LAX1: variants seen among roughly 807,000 people sequenced by gnomAD.
LAX1 encodes the protein lymphocyte transmembrane adaptor 1.
Under a neutral mutation model 20.7 loss-of-function variants are expected in LAX1, and 17 were observed. That is an observed-to-expected ratio of 0.82 (90% CI 0.56 to 1.23). The LOEUF (loss-of-function observed/expected upper bound fraction) is 1.23. Ranked by LOEUF, LAX1 falls within the 50% of genes most tolerant of loss-of-function variation. The pLI, the probability that LAX1 is intolerant of heterozygous loss-of-function variation, is 0.00. For synonymous variants in LAX1, 165 were observed against 181.0 expected, an observed-to-expected ratio of 0.91 and a Z score of 0.71; for missense variants, 470 against 487.0, an observed-to-expected ratio of 0.97 and a Z score of 0.33.
intron 1 of LAX1, among the ~76,000 whole-genome samples, chr1:203,767,939 A>C (rs1301225430): frequency 1.3e-5 from 2 of 151,588 alleles, no homozygotes; most frequent in African/African-American, 4.9e-5. Context: ...AGCCTGAGCA[A>C]CACATGGAGA....
At chr1:203,765,757 C>T in intron 1 of LAX1, 103 bp downstream of exon 1, 1 of 1,068,050 alleles carries the variant, frequency 9.4e-7, no homozygotes, top group Non-Finnish European at 1.4e-6. Flanking sequence ...CACCTCTCAA[C>T]ACCCAGGCTC....
intron 2 of LAX1, 77 bp from the exon 3 acceptor site, chr1:203,771,290 C>T (rs1195945027): frequency 1.1e-6 from 1 of 898,452 alleles, no homozygotes; most frequent in African/African-American, 1.6e-5. Flanking sequence ...TTTCAGGGGC[C>T]ATCTCATTCC....
chr1:203,771,261 T>C, intron 2 of LAX1, 106 bp from the exon 3 acceptor site: 2 of 791,788 alleles, frequency 2.5e-6, no homozygotes, highest in Non-Finnish European at 2.2e-6. Flanking sequence ...TTGTGAGAAC[T>C]GGCAAGGATG....
At chr1:203,769,201 C>T (rs909504511) in intron 1 of LAX1, among the ~76,000 whole-genome samples, 4 of 151,496 alleles carry the variant, frequency 2.6e-5, no homozygotes, top group African/African-American at 9.7e-5. Context: ...CCAGCCTGGC[C>T]AACATGGTGA....
chr1:203,769,008 T>G (rs1038207879), intron 1 of LAX1, among the ~76,000 whole-genome samples: 1 of 152,006 alleles, frequency 6.6e-6, no homozygotes, highest in Non-Finnish European at 1.5e-5. Context: ...GGGAAACACC[T>G]GGGGAGTAGC....
chr1:203,771,614 A>G (rs1410516197), intron 3 of LAX1, 137 bp downstream of exon 3: 1 of 683,284 alleles, frequency 1.5e-6, no homozygotes, highest in Non-Finnish European at 2.7e-6. Context: ...GGAGAATGGG[A>G]TAGATAGACT....
At chr1:203,770,549 G>GAA (rs1571805570) in intron 1 of LAX1, among the ~76,000 whole-genome samples, 3 of 142,146 alleles carry the variant, frequency 2.1e-5, no homozygotes, top group Non-Finnish European at 1.5e-5. Flanking sequence ...AAGAAAGAAA[G>GAA]AAAGAAAGAA....
rs745305724 is a variant in LAX1 at position 203,771,391 on chromosome 1, C to T, written c.224C>T (p.Thr75Ile). The T allele has an allele frequency of 1.7e-5, 28 of 1,613,484 alleles. No individual in the cohort carries two copies. Among genetic ancestry groups the T allele is most frequent in the Non-Finnish European group, 2.3e-5 (27 of 1,179,422 alleles). ...GGACAAGTTCCTTACCTCCGAGTTACCGTCATGCCCTTGCTGACTTTGCCA... is the reference window on the plus strand; with the variant it reads ...GGACAAGTTCCTTACCTCCGAGTTATCGTCATGCCCTTGCTGACTTTGCCA... ...KKRQVPYLRV[T>I]VMPLLTLPQT... The change falls in exon 3 of 5, where the codon ACC becomes ATC. Residue 75 changes from threonine to isoleucine, a missense_variant. By Grantham distance (89) the Thr-to-Ile change is moderately conservative. Transcript: ENST00000442561.
At chr1:203,766,698 A>T (rs1667309106) in intron 1 of LAX1, among the ~76,000 whole-genome samples, 1 of 152,186 alleles carries the variant, frequency 6.6e-6, no homozygotes, top group East Asian at 1.9e-4. Flanking sequence ...ATATGTATAC[A>T]TTGTACAATA....
At chr1:203,773,756 CTTTTTTTTT>C (rs10714327) in intron 4 of LAX1, 110 bp from the exon 5 acceptor site, 83 of 200,546 alleles carry the variant, frequency 4.1e-4, no homozygotes, top group African/African-American at 3.0e-3. Context: ...TGTTGCTCTT[CTTTTTTTTT>C]TTTTTTTTTT....
rs551712445 is a variant in LAX1, at chr1:203,765,398, G to C, written c.-168G>C. 1.9e-6 allele frequency: 3 copies of C among 1,551,892 alleles called. No individual in the cohort carries two copies. In the East Asian group the frequency reaches 7.3e-5, roughly 38 times the overall value. On this transcript the variant is annotated 5_prime_UTR_variant, in exon 1 of 5. Coordinates refer to ENST00000442561, the MANE Select transcript of LAX1 (RefSeq NM_017773.4). ...GCCACGTCCAGGTAGAACCAAACCT[G>C]TTGCTTTTGTATGTTGGGTCAACTT...
At chr1:203,773,441 C>T (rs1297999194) in intron 4 of LAX1, among the ~76,000 whole-genome samples, 3 of 151,856 alleles carry the variant, frequency 2.0e-5, no homozygotes, top group Non-Finnish European at 4.4e-5. Flanking sequence ...GCGACGAGAG[C>T]GAAACTCCTT....
intron 3 of LAX1, 77 bp from the exon 4 acceptor site, chr1:203,771,991 T>A: frequency 1.7e-6 from 2 of 1,181,946 alleles, no homozygotes; most frequent in Non-Finnish European, 2.5e-6. Context: ...ACCCGCTTCA[T>A]CCATGATGCA....
At chr1:203,769,454 A>AAAGAAAGGAAGG (rs759242546) in intron 1 of LAX1, among the ~76,000 whole-genome samples, 2 of 106,410 alleles carry the variant, frequency 1.9e-5, no homozygotes, top group African/African-American at 6.4e-5. Context: ...GGAAAGAAAG[A>AAAGAAAGGAAGG]AAAGAAAAGA....
chr1:203,770,510 G>GAAA (rs1317078482), intron 1 of LAX1, among the ~76,000 whole-genome samples: 2 of 16,926 alleles, frequency 1.2e-4, no homozygotes, highest in East Asian at 1.4e-3. Context: ...AGGAAGGAAG[G>GAAA]AAGAAAGAAA....
chr1:203,765,284 G>T lies in LAX1; in HGVS notation c.-282G>T. 6.7e-7 allele frequency: 1 copy of T among 1,484,888 alleles called. No homozygotes were observed. Among genetic ancestry groups the T allele is most frequent in the South Asian group, 1.2e-5 (1 of 82,670 alleles). The allele number at this position is 1,484,888 out of a possible 1,614,324, so 92.0% of individuals were successfully genotyped here. ...TGCCCCTCACGTTTCCACCAGAAAC[G>T]TGAAGGCAGAGGCCACAGATTCTCC... On this transcript the variant is annotated 5_prime_UTR_variant, in exon 1 of 5. Coordinates refer to ENST00000442561, the MANE Select transcript of LAX1 (RefSeq NM_017773.4).
intron 1 of LAX1, among the ~76,000 whole-genome samples, chr1:203,769,113 G>T (rs1034271026): frequency 6.6e-6 from 1 of 152,058 alleles, no homozygotes; most frequent in Non-Finnish European, 1.5e-5. Flanking sequence ...GATGGGCTGG[G>T]CGCGGTGGCT....
At position 203,774,569 on chromosome 1, in the gene LAX1, G is replaced by C. The variant is rs780815818; in HGVS notation, c.1085G>C (p.Arg362Thr). 2 of 1,614,232 alleles carry C rather than the reference G, an allele frequency of 1.2e-6. No individual in the cohort carries two copies. The highest frequency in any genetic ancestry group is 1.7e-6 in the Non-Finnish European group (2 of 1,180,030). Residue 362 changes from arginine (R) to threonine (T), a missense_variant, in exon 5 of 5, where the codon AGA becomes ACA. Physicochemically the swap from Arg to Thr is moderately conservative, Grantham distance 71. Coordinates refer to ENST00000442561, the MANE Select transcript of LAX1 (RefSeq NM_017773.4). ...AGTGAGGACAGTCAGATGAAACATAGAGAAGAGATGTCAAATGAGGACTCC... is the reference window on the plus strand; with the variant it reads ...AGTGAGGACAGTCAGATGAAACATACAGAAGAGATGTCAAATGAGGACTCC... ...TQSEDSQMKH[R>T]EEMSNEDSSD...
chr1:203,769,432 A>T (rs1399212354), intron 1 of LAX1, among the ~76,000 whole-genome samples: 1 of 103,148 alleles, frequency 9.7e-6, no homozygotes, highest in African/African-American at 3.0e-5. Context: ...AAAGAAAGAA[A>T]GAAAGAAAGA....
Sources: gnomAD v4.1 joint callset for allele counts (sites outside exome capture counted in the v4.1 genomes callset) on GRCh38, gnomAD v4.1.1 for gene constraint, MANE v1.5 for transcripts, NCBI Gene and HGNC (gene_info 2026-07-23, HGNC 2026-07-21) for gene names.